The following UNC5D variants were observed in gnomAD, a reference collection of about 807,000 sequenced individuals.
The protein encoded by UNC5D is netrin receptor UNC5D.
UNC5D carries 39 observed loss-of-function variants against 105.4 expected under a neutral mutation model. That is an observed-to-expected ratio of 0.37 (90% confidence interval 0.29 to 0.48). The LOEUF (loss-of-function observed/expected upper bound fraction) is 0.48, where lower values mean the gene tolerates loss of function less well. Ranked by LOEUF, UNC5D falls within the 20% of genes least tolerant of loss-of-function variation. The pLI is 0.98. For missense variants in UNC5D, 991 were observed against 1,202.4 expected, an observed-to-expected ratio of 0.82 and a Z score of 2.60; for synonymous variants, 452 against 450.4, an observed-to-expected ratio of 1.00 and a Z score of -0.04.
In UNC5D at chr8:35,527,845, C is replaced by T. The variant is rs1203613013; in HGVS notation, c.104-21447C>T. Among the ~76,000 whole-genome samples, 3 of 152,002 alleles carry T rather than the reference C, an allele frequency of 2.0e-5. No individual in the cohort carries two copies. In the East Asian group the frequency reaches 5.8e-4, roughly 29 times the overall value. On this transcript the variant is annotated intron_variant, in intron 1 of 16. Coordinates refer to ENST00000404895, the MANE Select transcript of UNC5D (RefSeq NM_080872.4). Reference sequence around the variant, plus strand: ...CCACTCTTGGCCTCTCCTGTTTCTTCTAAGGGTACTAGTCCTGTTCATATG... The same window carrying T: ...CCACTCTTGGCCTCTCCTGTTTCTTTTAAGGGTACTAGTCCTGTTCATATG...
intron 4 of UNC5D, among the ~76,000 whole-genome samples, chr8:35,648,495 A>C (rs1823196896): frequency 6.6e-6 from 1 of 152,070 alleles, no homozygotes; most frequent in Non-Finnish European, 1.5e-5. Context: ...CCTGGCCAAC[A>C]TGATAAAACA....
chr8:35,313,637 T>C (rs570515834), intron 1 of UNC5D, among the ~76,000 whole-genome samples: 3 of 152,286 alleles, frequency 2.0e-5, no homozygotes, highest in Non-Finnish European at 4.4e-5. Context: ...TCTCTTTTTG[T>C]TGCTCCTGAG....
At chr8:35,428,894 G>T (rs2128973343) in intron 1 of UNC5D, among the ~76,000 whole-genome samples, 1 of 152,030 alleles carries the variant, frequency 6.6e-6, no homozygotes, top group Non-Finnish European at 1.5e-5. Context: ...CTTTAAACAA[G>T]CAGAAGAAAA....
At chr8:35,760,773 A>AT (rs113961033) in intron 14 of UNC5D, among the ~76,000 whole-genome samples, 10,751 of 142,948 alleles carry the variant, frequency 0.075, 392 homozygotes, top group Non-Finnish European at 0.087. Context: ...TCCTTGCAGC[A>AT]TTTTTTTTTT....
intron 1 of UNC5D, among the ~76,000 whole-genome samples, chr8:35,285,728 C>G (rs1362337260): frequency 6.6e-6 from 1 of 152,152 alleles, no homozygotes; most frequent in African/African-American, 2.4e-5. Flanking sequence ...TTTTACCTGT[C>G]TCTTGGGGTA....
chr8:35,389,330 G>A (rs1187398333), intron 1 of UNC5D, among the ~76,000 whole-genome samples: 1 of 152,176 alleles, frequency 6.6e-6, no homozygotes, highest in East Asian at 1.9e-4. Flanking sequence ...TAATGTGTGT[G>A]CAAATCACCT....
intron 2 of UNC5D, among the ~76,000 whole-genome samples, chr8:35,556,928 A>G (rs1264263889): frequency 6.6e-6 from 1 of 152,190 alleles, no homozygotes; most frequent in Non-Finnish European, 1.5e-5. Flanking sequence ...AACACCTTTG[A>G]TAGTAGCACT....
At chr8:35,711,251 C>T (rs1036204017) in intron 8 of UNC5D, among the ~76,000 whole-genome samples, 2 of 152,044 alleles carry the variant, frequency 1.3e-5, no homozygotes, top group African/African-American at 4.8e-5. Context: ...GCGATCTTGG[C>T]TCACTGCAAC....
chr8:35,357,404 G>C (rs1016714384), intron 1 of UNC5D, among the ~76,000 whole-genome samples: 1 of 152,060 alleles, frequency 6.6e-6, no homozygotes, highest in Non-Finnish European at 1.5e-5. Flanking sequence ...AGACTGCTGG[G>C]CAAAATGAAC....
intron 4 of UNC5D, among the ~76,000 whole-genome samples, chr8:35,663,174 C>G (rs998079693): frequency 6.6e-6 from 1 of 152,216 alleles, no homozygotes; most frequent in African/African-American, 2.4e-5. Flanking sequence ...TGTACAGATA[C>G]ACCAATGAAT....
At chr8:35,634,572 A>G (rs1415766312) in intron 4 of UNC5D, among the ~76,000 whole-genome samples, 2 of 152,178 alleles carry the variant, frequency 1.3e-5, no homozygotes, top group Non-Finnish European at 2.9e-5. Flanking sequence ...TAGAAGAAGC[A>G]TACTGAATTT....
chr8:35,618,576 A>T (rs1391553936), intron 4 of UNC5D, among the ~76,000 whole-genome samples: 1 of 152,212 alleles, frequency 6.6e-6, no homozygotes, highest in African/African-American at 2.4e-5. Context: ...CTCATTACTG[A>T]TGATCATGGT....
chr8:35,399,494 G>A (rs528574800), intron 1 of UNC5D, among the ~76,000 whole-genome samples: 1 of 152,204 alleles, frequency 6.6e-6, no homozygotes, highest in East Asian at 1.9e-4. Context: ...TCAAAGTGAA[G>A]AGTTTGTCAA....
chr8:35,604,425 A>G lies in UNC5D; in HGVS notation c.570+8768A>G, dbSNP rs1379580591. Among the ~76,000 whole-genome samples the G allele has an allele frequency of 2.6e-5, 4 of 152,322 alleles. No homozygotes were observed. The East Asian group carries it at 7.7e-4, about 29-fold the overall frequency. ...TGCGGAGAGATCAGCTGTTAGTCTGATGGGCTTCCCTTTGAGGGTAACCCG... is the reference window on the plus strand; with the variant it reads ...TGCGGAGAGATCAGCTGTTAGTCTGGTGGGCTTCCCTTTGAGGGTAACCCG... On this transcript the variant is annotated intron_variant, in intron 4 of 16. Coordinates refer to ENST00000404895, the MANE Select transcript of UNC5D (RefSeq NM_080872.4).
At chr8:35,370,305 A>C (rs184896718) in intron 1 of UNC5D, among the ~76,000 whole-genome samples, 63 of 152,346 alleles carry the variant, frequency 4.1e-4, no homozygotes, top group African/African-American at 1.3e-3. Context: ...TTAAAGAAAA[A>C]ATATAGTTTG....
chr8:35,544,386 GTAGCGT>G, intron 1 of UNC5D: 1 of 1,603,314 alleles, frequency 6.2e-7, no homozygotes, highest in Non-Finnish European at 8.5e-7. Flanking sequence ...AAATCTATCA[GTAGCGT>G]TAAATAAGTA....
chr8:35,502,823 T>A (rs1286959857), intron 1 of UNC5D, among the ~76,000 whole-genome samples: 1 of 151,916 alleles, frequency 6.6e-6, no homozygotes, highest in Non-Finnish European at 1.5e-5. Flanking sequence ...CCTCAGCCTC[T>A]TAAAGTGCTG....
chr8:35,258,495 A>G (rs1013974354), intron 1 of UNC5D, among the ~76,000 whole-genome samples: 1 of 152,180 alleles, frequency 6.6e-6, no homozygotes, highest in African/African-American at 2.4e-5. Context: ...TCCTTAGGAA[A>G]ATAATTGAAC....
intron 2 of UNC5D, among the ~76,000 whole-genome samples, chr8:35,567,720 A>G (rs1817451621): frequency 6.6e-6 from 1 of 152,182 alleles, no homozygotes; most frequent in Non-Finnish European, 1.5e-5. Flanking sequence ...CACTTAGAAC[A>G]ACTTGGAACT....
Sources: allele counts gnomAD v4.1 joint callset (sites outside exome capture counted in the v4.1 genomes callset), GRCh38; gene constraint gnomAD v4.1.1; transcripts MANE v1.5; gene names NCBI Gene and HGNC (gene_info 2026-07-23, HGNC 2026-07-21).